The following ENTREP2 variants were observed in gnomAD, a reference collection of about 807,000 sequenced individuals.
ENTREP2 encodes the protein endosomal transmembrane epsin interactor 2.
chr15:29,629,481 G>A, the ENTREP2 span, among the ~76,000 whole-genome samples: 1 of 152,016 alleles, frequency 6.6e-6, no homozygotes, highest in Non-Finnish European at 1.5e-5. Flanking sequence ...TTTTCTTAGT[G>A]TTTGCTCTAG....
chr15:29,631,113 G>A, the ENTREP2 span, among the ~76,000 whole-genome samples: 798 of 152,226 alleles, frequency 5.2e-3, 8 homozygotes, highest in African/African-American at 0.018. Context: ...TTTTCATTTA[G>A]TTCCTTTTTT....
chr15:29,286,348 A>G, the ENTREP2 span, among the ~76,000 whole-genome samples: 1 of 152,252 alleles, frequency 6.6e-6, no homozygotes, highest in Admixed American at 6.5e-5. Context: ...GTTAATAGAC[A>G]TACATCAGCT....
chr15:29,642,402 C>G, the ENTREP2 span, among the ~76,000 whole-genome samples: 1 of 150,874 alleles, frequency 6.6e-6, no homozygotes, highest in African/African-American at 2.4e-5. Flanking sequence ...AGAGAATAAT[C>G]TTTTCAACTG....
the ENTREP2 span, among the ~76,000 whole-genome samples, chr15:29,431,453 T>C: frequency 6.6e-6 from 1 of 151,960 alleles, no homozygotes; most frequent in Non-Finnish European, 1.5e-5. Context: ...TATTTTAAAT[T>C]ATATTTAAAT....
At chr15:29,493,632 G>T in the ENTREP2 span, among the ~76,000 whole-genome samples, 21 of 151,950 alleles carry the variant, frequency 1.4e-4, no homozygotes, top group East Asian at 3.7e-3. Context: ...TAAATAAATA[G>T]TTCAGATAGA....
the ENTREP2 span, among the ~76,000 whole-genome samples, chr15:29,469,173 A>G: frequency 0.51 from 77,693 of 151,992 alleles, 21,085 homozygotes; most frequent in African/African-American, 0.72. Flanking sequence ...CAAATCCTGC[A>G]AGATTCTGCT....
At chr15:29,388,757 A>G in the ENTREP2 span, among the ~76,000 whole-genome samples, 1 of 152,326 alleles carries the variant, frequency 6.6e-6, no homozygotes, top group East Asian at 1.9e-4. Context: ...AATATGCCAC[A>G]TATACAACAT....
At chr15:29,228,538 A>G in the ENTREP2 span, among the ~76,000 whole-genome samples, 10 of 152,328 alleles carry the variant, frequency 6.6e-5, no homozygotes, top group Non-Finnish European at 1.5e-4. Flanking sequence ...ATGGTTTCAC[A>G]CAATGTGAAT....
At chr15:29,649,953 T>C in the ENTREP2 span, among the ~76,000 whole-genome samples, 2 of 151,992 alleles carry the variant, frequency 1.3e-5, no homozygotes, top group South Asian at 4.1e-4. Context: ...ACTAGAGATG[T>C]GAAAGGTATA....
At chr15:29,242,598 A>G in the ENTREP2 span, among the ~76,000 whole-genome samples, 12 of 152,220 alleles carry the variant, frequency 7.9e-5, no homozygotes, top group African/African-American at 2.7e-4. Flanking sequence ...GGGGCTCTTC[A>G]GACAGGAACA....
the ENTREP2 span, among the ~76,000 whole-genome samples, chr15:29,538,670 G>A: frequency 6.6e-6 from 1 of 150,678 alleles, no homozygotes; most frequent in African/African-American, 2.4e-5. Context: ...AGGTAGGGGC[G>A]TGGTGGCGGG....
the ENTREP2 span, among the ~76,000 whole-genome samples, chr15:29,518,023 A>C: frequency 6.6e-6 from 1 of 152,088 alleles, no homozygotes; most frequent in Admixed American, 6.6e-5. Context: ...GATGGGTTGA[A>C]GCCAGGAGTT....
At chr15:29,656,183 G>A in the ENTREP2 span, among the ~76,000 whole-genome samples, 1 of 151,684 alleles carries the variant, frequency 6.6e-6, no homozygotes, top group Non-Finnish European at 1.5e-5. Context: ...TTGAGAGAAT[G>A]CATTACCAGA....
chr15:29,470,719 G>C, the ENTREP2 span, among the ~76,000 whole-genome samples: 1 of 152,172 alleles, frequency 6.6e-6, no homozygotes, highest in Non-Finnish European at 1.5e-5. Context: ...TGAGCCTGAA[G>C]GACGCTCTGC....
At chr15:29,175,607 C>T in the ENTREP2 span, among the ~76,000 whole-genome samples, 1 of 152,160 alleles carries the variant, frequency 6.6e-6, no homozygotes, top group Non-Finnish European at 1.5e-5. Context: ...GTCCATCTCT[C>T]TTTTTCTTCC....
At chr15:29,537,172 C>T in the ENTREP2 span, among the ~76,000 whole-genome samples, 1 of 152,148 alleles carries the variant, frequency 6.6e-6, no homozygotes, top group Middle Eastern at 3.4e-3. Context: ...TCAGTAATTG[C>T]GATTGAAGGC....
the ENTREP2 span, among the ~76,000 whole-genome samples, chr15:29,605,666 G>A: frequency 2.0e-5 from 3 of 151,758 alleles, no homozygotes; most frequent in Non-Finnish European, 2.9e-5. Flanking sequence ...GTGAAACCCT[G>A]TCTCTACAAA....
At chr15:29,551,476 A>C in the ENTREP2 span, among the ~76,000 whole-genome samples, 1 of 152,150 alleles carries the variant, frequency 6.6e-6, no homozygotes, top group Non-Finnish European at 1.5e-5. Flanking sequence ...TCTGTGCTTC[A>C]TTATTACGTG....
chr15:29,419,948 AG>A, the ENTREP2 span, among the ~76,000 whole-genome samples: 1 of 152,224 alleles, frequency 6.6e-6, no homozygotes. Context: ...AACCCAAATA[AG>A]GACGAAGAAA....
Sources: allele counts gnomAD v4.1 joint callset (sites outside exome capture counted in the v4.1 genomes callset), GRCh38; gene constraint gnomAD v4.1.1; transcripts MANE v1.5; gene names NCBI Gene and HGNC (gene_info 2026-07-23, HGNC 2026-07-21).